The following GPC5 variants were observed in gnomAD, a reference collection of about 807,000 sequenced individuals.
GPC5 encodes glypican-5.
Under a neutral mutation model 53.9 loss-of-function variants are expected in GPC5, and 47 were observed. The observed-to-expected ratio is 0.87, with a 90% CI of 0.69 to 1.11. The LOEUF (loss-of-function observed/expected upper bound fraction) is 1.11. Among genes scored for constraint, GPC5 ranks in the 50% most tolerant of loss-of-function variants. GPC5 has a pLI of 0.00. For synonymous variants in GPC5, 286 were observed against 263.3 expected, an observed-to-expected ratio of 1.09 and a Z score of -0.84; for missense variants, 748 against 713.1, an observed-to-expected ratio of 1.05 and a Z score of -0.56.
intron 7 of GPC5, among the ~76,000 whole-genome samples, chr13:92,250,365 A>G (rs2042683911): frequency 6.6e-6 from 1 of 152,134 alleles, no homozygotes; most frequent in African/African-American, 2.4e-5. Flanking sequence ...TTTGAATTAA[A>G]ACCTGTAATG....
chr13:92,673,791 A>C (rs1252772949), intron 7 of GPC5, among the ~76,000 whole-genome samples: 2 of 152,182 alleles, frequency 1.3e-5, no homozygotes, highest in Admixed American at 6.6e-5. Flanking sequence ...AAAATAGCTT[A>C]CAGAACAGAA....
At chr13:92,703,164 G>T (rs1887817179) in intron 7 of GPC5, among the ~76,000 whole-genome samples, 1 of 151,364 alleles carries the variant, frequency 6.6e-6, no homozygotes, top group Admixed American at 6.6e-5. Context: ...TAATATGTAA[G>T]CTCCATGAGC....
At chr13:91,782,939 A>G (rs1354177778) in intron 5 of GPC5, among the ~76,000 whole-genome samples, 1 of 152,128 alleles carries the variant, frequency 6.6e-6, no homozygotes, top group Non-Finnish European at 1.5e-5. Context: ...TTTTCTCATT[A>G]AGAAAAATAA....
intron 7 of GPC5, among the ~76,000 whole-genome samples, chr13:92,260,618 AACTCCCC>A (rs1335868995): frequency 6.6e-6 from 1 of 152,088 alleles, no homozygotes; most frequent in African/African-American, 2.4e-5. Flanking sequence ...TCATGTCTGC[AACTCCCC>A]ACGGAGATTT....
At chr13:92,624,153 C>T (rs1461396930) in intron 7 of GPC5, among the ~76,000 whole-genome samples, 1 of 151,562 alleles carries the variant, frequency 6.6e-6, no homozygotes, top group Admixed American at 6.6e-5. Flanking sequence ...TGGCTCACTG[C>T]AACCTCCGCA....
At chr13:92,833,007 A>C (rs1878100309) in intron 7 of GPC5, among the ~76,000 whole-genome samples, 2 of 152,222 alleles carry the variant, frequency 1.3e-5, no homozygotes, top group Non-Finnish European at 2.9e-5. Context: ...CTGCGTCTCA[A>C]AACAAACAAA....
At chr13:91,662,716 C>G (rs1325024737) in intron 2 of GPC5, among the ~76,000 whole-genome samples, 1 of 152,122 alleles carries the variant, frequency 6.6e-6, no homozygotes, top group Non-Finnish European at 1.5e-5. Context: ...GACTATTACC[C>G]TAGTATCTTG....
chr13:92,490,891 A>G (rs1017221335), intron 7 of GPC5, among the ~76,000 whole-genome samples: 11 of 152,166 alleles, frequency 7.2e-5, no homozygotes, highest in Non-Finnish European at 1.3e-4. Context: ...CTACAGTGGA[A>G]ATCTTTGTAC....
chr13:92,654,632 G>A (rs945918889), intron 7 of GPC5, among the ~76,000 whole-genome samples: 1 of 151,846 alleles, frequency 6.6e-6, no homozygotes, highest in African/African-American at 2.4e-5. Flanking sequence ...TTTGGATTTT[G>A]TCACTTTTTT....
At chr13:92,785,973 A>G (rs911534303) in intron 7 of GPC5, among the ~76,000 whole-genome samples, 7 of 152,210 alleles carry the variant, frequency 4.6e-5, no homozygotes, top group South Asian at 2.1e-4. Context: ...TGTTGTTATT[A>G]TAGTTTGTAC....
intron 6 of GPC5, among the ~76,000 whole-genome samples, chr13:91,948,271 ATATACT>A (rs929017595): frequency 1.7e-4 from 25 of 150,790 alleles, no homozygotes; most frequent in African/African-American, 3.2e-4. Context: ...AAATAAATAA[ATATACT>A]TATAATGCTT....
intron 6 of GPC5, among the ~76,000 whole-genome samples, chr13:92,037,228 C>T (rs1185960187): frequency 6.6e-6 from 1 of 152,122 alleles, no homozygotes; most frequent in African/African-American, 2.4e-5. Flanking sequence ...CGTGCACACA[C>T]ACCTTGCTTA....
intron 7 of GPC5, among the ~76,000 whole-genome samples, chr13:92,570,910 C>T (rs1444244091): frequency 6.6e-6 from 1 of 152,120 alleles, no homozygotes; most frequent in Non-Finnish European, 1.5e-5. Flanking sequence ...GAAGCTGAAG[C>T]TCTGTGCAAT....
At chr13:91,599,976 C>T (rs755640356) in intron 2 of GPC5, among the ~76,000 whole-genome samples, 1 of 152,166 alleles carries the variant, frequency 6.6e-6, no homozygotes, top group Non-Finnish European at 1.5e-5. Flanking sequence ...GGCTGGAGTG[C>T]AGTGGTGCGA....
intron 4 of GPC5, 118 bp downstream of exon 4, chr13:91,728,783 A>T: frequency 1.0e-6 from 1 of 999,066 alleles, no homozygotes; most frequent in Non-Finnish European, 1.4e-6. Context: ...AAAAAAAAGG[A>T]TCAATATTCA....
intron 7 of GPC5, among the ~76,000 whole-genome samples, chr13:92,478,065 T>C (rs1158134637): frequency 6.6e-6 from 1 of 152,174 alleles, no homozygotes; most frequent in Non-Finnish European, 1.5e-5. Flanking sequence ...GTTTCCCTTA[T>C]TGCTGCCCTG....
intron 5 of GPC5, among the ~76,000 whole-genome samples, chr13:91,822,014 G>C (rs2038503401): frequency 6.6e-6 from 1 of 152,096 alleles, no homozygotes. Context: ...TTGTGCTTTT[G>C]GATTATTTGG....
intron 5 of GPC5, among the ~76,000 whole-genome samples, chr13:91,787,217 G>A (rs1435230533): frequency 6.6e-6 from 1 of 152,030 alleles, no homozygotes; most frequent in Non-Finnish European, 1.5e-5. Context: ...GAACTGTTTA[G>A]AACATCAGAT....
At chr13:91,848,433 G>T (rs551305189) in intron 5 of GPC5, among the ~76,000 whole-genome samples, 1 of 152,328 alleles carries the variant, frequency 6.6e-6, no homozygotes, top group Admixed American at 6.5e-5. Context: ...TGAGGGAAGA[G>T]TTACAGTAAA....
Sources: allele counts gnomAD v4.1 joint callset (sites outside exome capture counted in the v4.1 genomes callset), GRCh38; gene constraint gnomAD v4.1.1; transcripts MANE v1.5; gene names NCBI Gene and HGNC (gene_info 2026-07-23, HGNC 2026-07-21).